The following STX17 variants were observed in gnomAD, a reference collection of about 807,000 sequenced individuals.
The protein encoded by STX17 is syntaxin 17, also known as syntaxin-17.
A neutral mutation model predicts 35.9 loss-of-function variants in STX17; 29 were observed. That is an observed-to-expected ratio of 0.81 (90% CI 0.60 to 1.10). The LOEUF (loss-of-function observed/expected upper bound fraction) is 1.10, where lower values mean the gene tolerates loss of function less well. Ranked by LOEUF, STX17 falls within the 50% of genes least tolerant of loss-of-function variation. The probability of loss-of-function intolerance (pLI) is 0.00; values close to 1 mark genes in which losing one functional copy is unlikely to be tolerated. For synonymous variants in STX17, 92 were observed against 118.3 expected, an observed-to-expected ratio of 0.78 and a Z score of 1.44; for missense variants, 312 against 352.3, an observed-to-expected ratio of 0.89 and a Z score of 0.92.
Position 99,972,476 on chromosome 9 carries a change from TG to T in STX17, c.*3805del, listed in dbSNP as rs1450641652. 6.6e-6 allele frequency among the ~76,000 whole-genome samples: 1 copy of T among 152,196 alleles called. No homozygotes were observed. The highest frequency in any genetic ancestry group is 1.5e-5 in the Non-Finnish European group (1 of 68,040). ...GATCATCCCAGAAAAGGGGGTATGA[TG>T]GTGCTGTGTAGAACTGACCAGAGTT... On this transcript the variant is annotated 3_prime_UTR_variant, in exon 8 of 8. Transcript: ENST00000259400.
intron 3 of STX17, among the ~76,000 whole-genome samples, chr9:99,945,321 A>G (rs1473481217): frequency 6.6e-6 from 1 of 152,138 alleles, no homozygotes. Context: ...GTATTATTAT[A>G]TATTCCTGGT....
intron 2 of STX17, among the ~76,000 whole-genome samples, chr9:99,927,619 C>T (rs1001481071): frequency 1.3e-5 from 2 of 152,104 alleles, no homozygotes; most frequent in African/African-American, 4.8e-5. Context: ...GGATTACAGG[C>T]ACCTGCCATC....
chr9:99,968,632 T>C lies in STX17; in HGVS notation c.868T>C (p.Cys290Arg). The change falls in exon 8 of 8, where the codon TGT (cysteine) becomes CGT (arginine). Residue 290 changes from cysteine (C) to arginine (R), a missense_variant. Coordinates refer to ENST00000259400, the MANE Select transcript of STX17 (RefSeq NM_017919.3). Reference protein sequence around the residue: ...QKMMEKLTSSCPDLPSQTDKK... With the variant: ...QKMMEKLTSSRPDLPSQTDKK... ...AATGATGGAGAAGCTCACTTCCAGC[T>C]GTCCAGATCTTCCCAGCCAAACTGA... 6.2e-7 allele frequency: 1 copy of C among 1,613,934 alleles called. No individual in the cohort carries two copies. Among genetic ancestry groups the C allele is most frequent in the Non-Finnish European group, 8.5e-7 (1 of 1,179,932 alleles).
chr9:99,963,062 G>A (rs1829857843), intron 6 of STX17, among the ~76,000 whole-genome samples: 1 of 152,146 alleles, frequency 6.6e-6, no homozygotes, highest in Non-Finnish European at 1.5e-5. Flanking sequence ...AGTAATAGTG[G>A]TTGCACAATA....
At chr9:99,938,751 C>T (rs1397045173) in intron 3 of STX17, among the ~76,000 whole-genome samples, 1 of 143,650 alleles carries the variant, frequency 7.0e-6, no homozygotes, top group Admixed American at 7.0e-5. Context: ...CATGCCACTG[C>T]ACTCCAGCCT....
At chr9:99,932,663 A>T (rs537607943) in intron 3 of STX17, among the ~76,000 whole-genome samples, 1 of 152,302 alleles carries the variant, frequency 6.6e-6, no homozygotes, top group East Asian at 1.9e-4. Flanking sequence ...AAATTTGCGT[A>T]TATATTTACC....
At position 99,968,579 on chromosome 9, in the gene STX17, G is replaced by C. The variant is rs1829965114; in HGVS notation, c.815G>C (p.Gly272Ala). 6.2e-7 allele frequency: 1 copy of C among 1,613,834 alleles called. No individual in the cohort carries two copies. The highest frequency in any genetic ancestry group is 1.7e-5 in the Admixed American group (1 of 59,930). ...GGTGGGGTGTTGGGCTTCACAGGTG[G>C]AAAATTGATACAAAGAAAGAAACAG... ...LGGGVLGFTG[G>A]KLIQRKKQKM... The change falls in exon 8 of 8, where the codon GGA becomes GCA. Residue 272 changes from glycine to alanine, a missense_variant. Coordinates refer to ENST00000259400, the MANE Select transcript of STX17 (RefSeq NM_017919.3).
chr9:99,929,327 C>T (rs1289239547), intron 3 of STX17, among the ~76,000 whole-genome samples: 1 of 150,946 alleles, frequency 6.6e-6, no homozygotes, highest in Non-Finnish European at 1.5e-5. Flanking sequence ...AGATACTGAT[C>T]TTCTGTCTAC....
At chr9:99,915,408 A>T (rs1240532469) in intron 2 of STX17, 46 bp downstream of exon 2, 4 of 1,557,084 alleles carry the variant, frequency 2.6e-6, no homozygotes, top group Middle Eastern at 1.8e-4. Context: ...ACATAGTTTG[A>T]TTTATATTGG....
At chr9:99,953,291 C>T (rs1177017847) in intron 4 of STX17, among the ~76,000 whole-genome samples, 1 of 151,998 alleles carries the variant, frequency 6.6e-6, no homozygotes, top group African/African-American at 2.4e-5. Context: ...CAATGCTTGG[C>T]ACATAATGGA....
At chr9:99,964,678 T>A (rs1231346247) in intron 6 of STX17, among the ~76,000 whole-genome samples, 2 of 152,052 alleles carry the variant, frequency 1.3e-5, no homozygotes, top group African/African-American at 4.8e-5. Context: ...TGCACCACCA[T>A]TAATGTTTAG....
chr9:99,908,509 T>C (rs1828597447), intron 1 of STX17, among the ~76,000 whole-genome samples: 1 of 152,264 alleles, frequency 6.6e-6, no homozygotes, highest in Non-Finnish European at 1.5e-5. Flanking sequence ...CTATTGGTTG[T>C]TATCCTACAC....
intron 1 of STX17, among the ~76,000 whole-genome samples, chr9:99,907,626 T>C (rs965189953): frequency 1.3e-5 from 2 of 152,236 alleles, no homozygotes; most frequent in African/African-American, 2.4e-5. Context: ...TGTTTTTACC[T>C]GTCTTACGTG....
At chr9:99,956,327 C>T (rs1829710168) in intron 4 of STX17, among the ~76,000 whole-genome samples, 1 of 152,084 alleles carries the variant, frequency 6.6e-6, no homozygotes, top group South Asian at 2.1e-4. Flanking sequence ...ATTGCATACC[C>T]TCGCAAACTT....
In STX17 at chr9:99,939,963, A is replaced by G. The variant is rs539936472; in HGVS notation, c.190-11097A>G. 2.6e-5 allele frequency among the ~76,000 whole-genome samples: 4 copies of G among 152,148 alleles called. No individual in the cohort carries two copies. In the South Asian group the frequency reaches 8.3e-4, roughly 32 times the overall value. On this transcript the variant is annotated intron_variant, in intron 3 of 7. Coordinates refer to ENST00000259400, the MANE Select transcript of STX17 (RefSeq NM_017919.3). ...TTAAGTCCTTTTTATTGTTCTTAAC[A>G]TTTTTTCATCAGCCTCCGCTCATTC...
intron 2 of STX17, 68 bp downstream of exon 2, chr9:99,915,430 A>G (rs1650597106): frequency 2.5e-5 from 37 of 1,504,752 alleles, no homozygotes; most frequent in Non-Finnish European, 3.3e-5. Flanking sequence ...TGTTCATTTC[A>G]GCTAAATTTA....
At chr9:99,913,778 G>A (rs984799568) in intron 1 of STX17, among the ~76,000 whole-genome samples, 1 of 151,852 alleles carries the variant, frequency 6.6e-6, no homozygotes, top group African/African-American at 2.4e-5. Flanking sequence ...TGACTTTTGA[G>A]CCTTGTATCA....
chr9:99,920,119 C>T (rs1031630181), intron 2 of STX17, among the ~76,000 whole-genome samples: 1 of 152,156 alleles, frequency 6.6e-6, no homozygotes, highest in African/African-American at 2.4e-5. Flanking sequence ...AGCCTCAGCA[C>T]AGGTGGTGAA....
intron 4 of STX17, among the ~76,000 whole-genome samples, chr9:99,958,212 T>G (rs1373699222): frequency 6.6e-6 from 1 of 152,186 alleles, no homozygotes; most frequent in African/African-American, 2.4e-5. Context: ...TACTCTTTGC[T>G]TCTCCTTCCA....
Sources: allele counts gnomAD v4.1 joint callset (sites outside exome capture counted in the v4.1 genomes callset), GRCh38; gene constraint gnomAD v4.1.1; transcripts MANE v1.5; gene names NCBI Gene and HGNC (gene_info 2026-07-23, HGNC 2026-07-21).